SCN7A: variants seen among roughly 807,000 people sequenced by gnomAD.
The protein encoded by SCN7A is sodium voltage-gated channel alpha subunit 7.
Under a neutral mutation model 155.2 loss-of-function variants are expected in SCN7A, and 138 were observed. That is an observed-to-expected ratio of 0.89 (90% CI 0.77 to 1.02). The LOEUF (loss-of-function observed/expected upper bound fraction) is 1.02, where lower values mean the gene tolerates loss of function less well. Among genes scored for constraint, SCN7A ranks in the 50% least tolerant of loss-of-function variants. The pLI is 0.00. For synonymous variants in SCN7A, 693 were observed against 649.0 expected, an observed-to-expected ratio of 1.07 and a Z score of -1.03; for missense variants, 2,058 against 1,986.6, an observed-to-expected ratio of 1.04 and a Z score of -0.68.
intron 21 of SCN7A, among the ~76,000 whole-genome samples, chr2:166,413,981 GTATATATA>G (rs556351441): frequency 1.1e-4 from 6 of 53,502 alleles, no homozygotes; most frequent in South Asian, 1.1e-3. Flanking sequence ...ATGTGTATGT[GTATATATA>G]TATATATATA....
At chr2:166,415,384 C>T (rs1009559037) in intron 21 of SCN7A, among the ~76,000 whole-genome samples, 4 of 151,968 alleles carry the variant, frequency 2.6e-5, no homozygotes, top group Non-Finnish European at 5.9e-5. Flanking sequence ...GACACTCCAC[C>T]CAGCTAATTT....
At chr2:166,441,327 C>A in intron 15 of SCN7A, 69 bp downstream of exon 15, 2 of 1,079,856 alleles carry the variant, frequency 1.9e-6, no homozygotes, top group Non-Finnish European at 2.6e-6. Flanking sequence ...CCCATCAATG[C>A]ACATCATGAA....
intron 6 of SCN7A, 89 bp downstream of exon 6, chr2:166,472,228 C>T: frequency 7.4e-7 from 1 of 1,343,228 alleles, no homozygotes; most frequent in Non-Finnish European, 1.0e-6. Flanking sequence ...TATCTGCAGG[C>T]CAAAATCTTT....
At chr2:166,414,954 AT>A (rs1294815955) in intron 21 of SCN7A, among the ~76,000 whole-genome samples, 6 of 97,554 alleles carry the variant, frequency 6.2e-5, no homozygotes, top group African/African-American at 2.7e-4. Context: ...TATAATATAT[AT>A]TATTATATAG....
chr2:166,441,496 C>T lies in SCN7A; in HGVS notation c.2057G>A (p.Cys686Tyr), dbSNP rs1352205004. The T allele has an allele frequency of 3.1e-6, 5 of 1,613,986 alleles. No individual in the cohort carries two copies. In the South Asian group the frequency reaches 4.4e-5, roughly 14 times the overall value. The change falls in exon 15 of 26, where the codon TGT becomes TAT. Residue 686 changes from cysteine (C) to tyrosine (Y), a missense_variant. Transcript: ENST00000643258. ...HSFLNVFRILCGEWVETLWDC... is the reference protein window; with the variant it reads ...HSFLNVFRILYGEWVETLWDC... ...CCACAAGGTCTCTACCCACTCTCCA[C>T]AGAGAATTCGGAACACATTCAGGAA... is the stretch of plus-strand genomic sequence containing the variant.
intron 9 of SCN7A, among the ~76,000 whole-genome samples, chr2:166,463,358 T>C: frequency 6.6e-6 from 1 of 152,210 alleles, no homozygotes; most frequent in South Asian, 2.1e-4. Flanking sequence ...TATTTTGGGT[T>C]TAGTCATGTT....
At chr2:166,417,872 G>T (rs1405714904) in intron 20 of SCN7A, among the ~76,000 whole-genome samples, 2 of 151,566 alleles carry the variant, frequency 1.3e-5, no homozygotes, top group African/African-American at 2.4e-5. Flanking sequence ...TGTCACTGGT[G>T]AGTCACTCCA....
Position 166,470,656 on chromosome 2 carries a change from G to A in SCN7A, c.623C>T (p.Ala208Val), listed in dbSNP as rs758392045. The part of the protein sequence containing the change: ...PLDFIPTLQT[A>V]RTLRILKIIP... The stretch of plus-strand genomic sequence containing the variant: ...AATTTTTAAAATTCTCAAAGTTCTT[G>A]CAGTTTGAAGCGTTGGAATGAAGTC... Residue 208 changes from alanine to valine, a missense_variant, in exon 7 of 26, where the codon GCA (alanine) becomes GTA (valine). Coordinates refer to ENST00000643258, the MANE Select transcript of SCN7A (RefSeq NM_002976.4). 1.9e-6 allele frequency: 3 copies of A among 1,608,880 alleles called. No homozygotes were observed. Among genetic ancestry groups the A allele is most frequent in the South Asian group, 1.1e-5 (1 of 90,698 alleles).
intron 15 of SCN7A, among the ~76,000 whole-genome samples, chr2:166,434,613 C>G (rs2105418458): frequency 6.6e-6 from 1 of 152,294 alleles, no homozygotes; most frequent in East Asian, 1.9e-4. Flanking sequence ...TATAGATAAT[C>G]TAGGCAGGAC....
intron 18 of SCN7A, 122 bp from the exon 19 acceptor site, chr2:166,423,554 T>C: frequency 1.8e-6 from 2 of 1,106,688 alleles, no homozygotes; most frequent in South Asian, 2.0e-5. Flanking sequence ...TCAGAGATTG[T>C]AGGCTCCAGG....
At chr2:166,462,305 A>G (rs1575049419) in intron 10 of SCN7A, 84 bp downstream of exon 10, 1 of 1,377,560 alleles carries the variant, frequency 7.3e-7, no homozygotes, top group African/African-American at 1.5e-5. Flanking sequence ...AAAATTTAAA[A>G]AACTATATTA....
chr2:166,468,590 T>G (rs891990194), intron 7 of SCN7A, among the ~76,000 whole-genome samples: 2 of 152,034 alleles, frequency 1.3e-5, no homozygotes, highest in African/African-American at 4.8e-5. Flanking sequence ...CAGCAGTAAT[T>G]TGCAATCCAT....
At chr2:166,442,130 A>C (rs921929500) in intron 14 of SCN7A, among the ~76,000 whole-genome samples, 4 of 152,134 alleles carry the variant, frequency 2.6e-5, no homozygotes, top group African/African-American at 9.7e-5. Flanking sequence ...ATGATATTGA[A>C]AGTCTTTCAG....
intron 11 of SCN7A, among the ~76,000 whole-genome samples, chr2:166,448,686 A>G (rs1702116793): frequency 6.6e-6 from 1 of 152,206 alleles, no homozygotes; most frequent in Non-Finnish European, 1.5e-5. Context: ...GTCTGAGGTC[A>G]AATACAAAAG....
chr2:166,417,387 C>T (rs570163749), intron 20 of SCN7A, among the ~76,000 whole-genome samples: 5 of 152,156 alleles, frequency 3.3e-5, no homozygotes, highest in East Asian at 1.9e-4. Flanking sequence ...GCAGGAGAAT[C>T]GCTTGAAGCC....
intron 15 of SCN7A, among the ~76,000 whole-genome samples, chr2:166,439,018 TATAC>T (rs1264236668): frequency 7.4e-5 from 10 of 135,806 alleles, no homozygotes; most frequent in African/African-American, 2.7e-4. Flanking sequence ...TATATGTATA[TATAC>T]ATACACACAC....
At chr2:166,439,055 G>GTGTGTATATATATATTTA (rs375208870) in intron 15 of SCN7A, among the ~76,000 whole-genome samples, 1 of 113,412 alleles carries the variant, frequency 8.8e-6, no homozygotes, top group African/African-American at 3.8e-5. Context: ...GTGTGTGTGT[G>GTGTGTATATATATATTTA]TATATATATA....
At chr2:166,430,120 G>A (rs1701703345) in intron 16 of SCN7A, among the ~76,000 whole-genome samples, 1 of 151,746 alleles carries the variant, frequency 6.6e-6, no homozygotes, top group Non-Finnish European at 1.5e-5. Flanking sequence ...TTTAACATTT[G>A]GAATGAAACC....
At chr2:166,438,534 T>A (rs1701885570) in intron 15 of SCN7A, among the ~76,000 whole-genome samples, 1 of 152,168 alleles carries the variant, frequency 6.6e-6, no homozygotes, top group Non-Finnish European at 1.5e-5. Context: ...AACCAATTCA[T>A]TTCCTTTGAC....
Sources: allele counts gnomAD v4.1 joint callset (sites outside exome capture counted in the v4.1 genomes callset), GRCh38; gene constraint gnomAD v4.1.1; transcripts MANE v1.5; gene names NCBI Gene and HGNC (gene_info 2026-07-23, HGNC 2026-07-21).